Variants in RGS6 observed in about 807,000 individuals in gnomAD.
RGS6 encodes the protein regulator of G protein signaling 6.
A neutral mutation model predicts 78.5 loss-of-function variants in RGS6; 30 were observed. The ratio of observed to expected loss-of-function variants is 0.38; its 90% CI spans 0.29 to 0.52. The LOEUF is 0.52. Among genes scored for constraint, RGS6 ranks in the 20% least tolerant of loss-of-function variants. RGS6 has a pLI of 0.85. For missense variants in RGS6, 495 were observed against 609.7 expected (o/e 0.81, Z 1.98); for synonymous variants, 206 against 206.0 (o/e 1.00, Z 0.00).
chr14:72,261,104 A>T (rs559510195), intron 2 of RGS6, among the ~76,000 whole-genome samples: 1 of 152,292 alleles, frequency 6.6e-6, no homozygotes, highest in South Asian at 2.1e-4. Context: ...CATGCTAGGG[A>T]ACTTGGAATA....
intron 13 of RGS6, among the ~76,000 whole-genome samples, chr14:72,496,397 GATGATACGC>G (rs1349483073): frequency 6.6e-6 from 1 of 152,218 alleles, no homozygotes; most frequent in Non-Finnish European, 1.5e-5. Context: ...CATCCCTTAT[GATGATACGC>G]ATCTTTGCAA....
chr14:72,107,250 A>T (rs980256831), intron 2 of RGS6, among the ~76,000 whole-genome samples: 1 of 152,152 alleles, frequency 6.6e-6, no homozygotes, highest in Non-Finnish European at 1.5e-5. Context: ...AAACAAAAAA[A>T]AAACATGAAC....
At chr14:72,384,738 A>G (rs8016510) in intron 3 of RGS6, among the ~76,000 whole-genome samples, 2,542 of 151,980 alleles carry the variant, frequency 0.017, 75 homozygotes, top group African/African-American at 0.057. Flanking sequence ...CACGGTTTGC[A>G]TATTTTTTTT....
In RGS6 at chr14:72,352,122, G is replaced by T; in HGVS notation, c.112G>T (p.Asp38Tyr). 6.2e-7 allele frequency: 1 copy of T among 1,613,222 alleles called. No homozygotes were observed. Among genetic ancestry groups the T allele is most frequent in the African/African-American group, 1.3e-5 (1 of 75,018 alleles). The change falls in exon 3 of 18, where the codon GAT becomes TAT. Residue 38 changes from aspartate to tyrosine, a missense_variant. Coordinates refer to ENST00000553525, the MANE Select transcript of RGS6 (RefSeq NM_001204424.2). ...KIEDIITKMQ[D>Y]DKTGGVPIRT... Reference sequence around the variant, plus strand: ...TGAAGACATCATTACAAAGATGCAAGATGACAAGACAGGGGGTGTGCCCAT... The same window carrying T: ...TGAAGACATCATTACAAAGATGCAATATGACAAGACAGGGGGTGTGCCCAT...
At chr14:72,134,636 A>G (rs2096400121) in intron 2 of RGS6, among the ~76,000 whole-genome samples, 1 of 152,208 alleles carries the variant, frequency 6.6e-6, no homozygotes, top group East Asian at 1.9e-4. Flanking sequence ...TATTATGGGA[A>G]TTGGCTCATG....
chr14:72,370,315 C>T lies in RGS6; in HGVS notation c.184+18121C>T, dbSNP rs115182758. 2.0e-3 allele frequency among the ~76,000 whole-genome samples: 303 copies of T among 152,206 alleles called. 2 individuals are homozygous for T. The highest frequency in any genetic ancestry group is 6.8e-3 in the African/African-American group (281 of 41,518). ...GTAATCCAAGAGAGCACCTGTCAGA[C>T]GATGCCTTTATTAAGGCCCATGGAC... On this transcript the variant is annotated intron_variant, in intron 3 of 17. Coordinates refer to ENST00000553525, the MANE Select transcript of RGS6 (RefSeq NM_001204424.2).
At chr14:72,232,731 T>C (rs2049975442) in intron 2 of RGS6, among the ~76,000 whole-genome samples, 1 of 152,080 alleles carries the variant, frequency 6.6e-6, no homozygotes. Context: ...GGCTAGGGGT[T>C]TCAGCAGGCA....
rs755945386 is a variant in RGS6, at chr14:72,541,602, C to T, written c.1422+1508C>T. ...AAGGCTTCTGGGACTTCCTTCACTC[C>T]ATGATGGCCTGAGAGAAGGTAGTGG... On this transcript the variant is annotated intron_variant, in intron 17 of 17. Coordinates refer to ENST00000553525, the MANE Select transcript of RGS6 (RefSeq NM_001204424.2). 2.6e-6 allele frequency: 4 copies of T among 1,535,664 alleles called. No homozygotes were observed. The South Asian group carries it at 4.8e-5, about 18-fold the overall frequency.
At chr14:72,026,397 A>G (rs1438980132) in intron 2 of RGS6, among the ~76,000 whole-genome samples, 1 of 151,426 alleles carries the variant, frequency 6.6e-6, no homozygotes, top group Non-Finnish European at 1.5e-5. Context: ...ACAGACAGAG[A>G]CTCCATCTCA....
intron 2 of RGS6, among the ~76,000 whole-genome samples, chr14:71,998,968 C>T (rs535204077): frequency 4.6e-5 from 7 of 152,306 alleles, no homozygotes; most frequent in East Asian, 3.9e-4. Flanking sequence ...CAGTGTTTCA[C>T]GTCTGTAATC....
the RGS6 span, among the ~76,000 whole-genome samples, chr14:72,610,412 G>A: frequency 2.8e-4 from 42 of 152,286 alleles, no homozygotes; most frequent in East Asian, 5.8e-4. Flanking sequence ...AAATGGAGGC[G>A]CCCTCACCAA....
intron 2 of RGS6, among the ~76,000 whole-genome samples, chr14:72,224,452 G>T (rs1366407029): frequency 3.1e-5 from 1 of 32,558 alleles, no homozygotes; most frequent in Non-Finnish European, 7.4e-5. Flanking sequence ...AATGGTTTGG[G>T]TGTGGGTTTT....
chr14:71,870,520 A>G, the RGS6 span, among the ~76,000 whole-genome samples: 1 of 152,164 alleles, frequency 6.6e-6, no homozygotes. Context: ...TCCAGAGCTA[A>G]GAGGGTTTTA....
intron 1 of RGS6, among the ~76,000 whole-genome samples, chr14:71,963,548 C>G (rs1219566541): frequency 6.6e-6 from 1 of 152,186 alleles, no homozygotes; most frequent in Non-Finnish European, 1.5e-5. Flanking sequence ...CAATCTGTTT[C>G]TTGTCTCTGT....
the RGS6 span, among the ~76,000 whole-genome samples, chr14:72,613,906 G>A: frequency 1.3e-5 from 2 of 152,148 alleles, no homozygotes; most frequent in East Asian, 1.9e-4. Context: ...CTCTGCCTGG[G>A]AGGTTGTCTA....
chr14:72,266,610 G>GTGT (rs1039325391), intron 2 of RGS6, among the ~76,000 whole-genome samples: 2 of 152,226 alleles, frequency 1.3e-5, no homozygotes, highest in African/African-American at 4.8e-5. Context: ...GAATTGAAAA[G>GTGT]TGTTGGAGGA....
At chr14:72,582,090 G>A in the RGS6 span, among the ~76,000 whole-genome samples, 1 of 152,134 alleles carries the variant, frequency 6.6e-6, no homozygotes, top group African/African-American at 2.4e-5. Flanking sequence ...AAACAATCCA[G>A]TCTTGCAGAG....
chr14:72,422,094 T>G (rs2094212679), intron 3 of RGS6, among the ~76,000 whole-genome samples: 1 of 152,196 alleles, frequency 6.6e-6, no homozygotes. Context: ...GAGGTTCCCC[T>G]GCACAAGCTC....
At chr14:72,022,463 G>T (rs1318439523) in intron 2 of RGS6, 1 of 152,264 alleles carries the variant, frequency 6.6e-6, no homozygotes, top group South Asian at 2.1e-4. Flanking sequence ...CAAGGAGTTT[G>T]ATCTGTAACT....
Sources: gnomAD v4.1 joint callset for allele counts (sites outside exome capture counted in the v4.1 genomes callset) on GRCh38, gnomAD v4.1.1 for gene constraint, MANE v1.5 for transcripts, NCBI Gene and HGNC (gene_info 2026-07-23, HGNC 2026-07-21) for gene names.